COBLL1: variants seen among roughly 807,000 people sequenced by gnomAD.
COBLL1 encodes the protein cordon-bleu WH2 repeat protein like 1.
In COBLL1, 50 loss-of-function variants were observed where a neutral mutation model predicts 94.8. That is an observed-to-expected ratio of 0.53 (90% CI 0.42 to 0.67). The LOEUF (loss-of-function observed/expected upper bound fraction) is 0.67, where lower values mean the gene tolerates loss of function less well. Ranked by LOEUF, COBLL1 falls within the 30% of genes least tolerant of loss-of-function variation. The pLI is 0.00. For missense variants in COBLL1, 1,362 were observed against 1,348.7 expected (o/e 1.01, Z -0.15); for synonymous variants, 448 against 473.8 (o/e 0.95, Z 0.71).
At chr2:164,729,839 C>A in intron 4 of COBLL1, 75 bp downstream of exon 4, 3 of 1,283,042 alleles carry the variant, frequency 2.3e-6, no homozygotes, top group Non-Finnish European at 3.4e-6. Flanking sequence ...CCAGTAAAGT[C>A]CATTTTTATT....
chr2:164,803,569 AT>A (rs1202181562), intron 2 of COBLL1, among the ~76,000 whole-genome samples: 20 of 143,960 alleles, frequency 1.4e-4, no homozygotes, highest in East Asian at 3.9e-4. Context: ...TGTCTCAAAA[AT>A]AAATAAATAA....
chr2:164,695,816 C>T lies in COBLL1; in HGVS notation c.1576G>A (p.Val526Ile). The change falls in exon 12 of 14, where the codon GTC becomes ATC. Residue 526 changes from valine (V) to isoleucine (I), a missense_variant. Transcript: ENST00000652658. ...TTGTCTTCTGTGTTCTCTGGATAGA[C>T]AATTATTTCATTTTGAACTACTGAG... ...QENVVQNEII[V>I]YPENTEDNMK... 2 of 1,575,144 alleles carry T rather than the reference C, an allele frequency of 1.3e-6. No homozygotes were observed. Among genetic ancestry groups the T allele is most frequent in the Non-Finnish European group, 1.7e-6 (2 of 1,165,362 alleles).
intron 2 of COBLL1, among the ~76,000 whole-genome samples, chr2:164,801,555 T>C (rs971621406): frequency 2.0e-5 from 3 of 149,280 alleles, no homozygotes; most frequent in Non-Finnish European, 4.4e-5. Flanking sequence ...GAATCTGAGG[T>C]TACACTAAGC....
rs201072056 is a variant in COBLL1, at chr2:164,767,577, A to G, written c.42-23702T>C. Among the ~76,000 whole-genome samples the G allele has an allele frequency of 1.4e-3, 220 of 152,310 alleles. 1 individual carries two copies. The highest frequency in any genetic ancestry group is 7.7e-4 in the East Asian group (4 of 5,182). ...TTTTCATCCTGTCCTTCTTGCACAC[A>G]TAGCATACAAAGGCTTGCCTTTGAT... On this transcript the variant is annotated intron_variant, in intron 2 of 13. Transcript: ENST00000652658.
chr2:164,700,900 C>T, intron 9 of COBLL1, 144 bp from the exon 10 acceptor site: 2 of 613,224 alleles, frequency 3.3e-6, no homozygotes, highest in Non-Finnish European at 5.7e-6. Context: ...AGTTCTTTCT[C>T]CTGGTGAGCA....
rs1216305679 is a variant in COBLL1 at position 164,683,222 on chromosome 2, A to C, written c.*2724T>G. On this transcript the variant is annotated 3_prime_UTR_variant, in exon 14 of 14. Transcript: ENST00000652658. ...TTATAATTTTAATATTATATAAATA[A>C]ATAACTTGATTGGAGGAAAGAAGGA... The C allele has an allele frequency of 6.6e-6, 1 of 151,906 alleles. No homozygotes were observed. The highest frequency in any genetic ancestry group is 1.5e-5 in the Non-Finnish European group (1 of 67,962). 9.4% of individuals were successfully genotyped at this position (151,906 alleles called of 1,614,324 possible).
rs1683581995 is a variant in COBLL1 at position 164,841,135 on chromosome 2, G to C, written c.41+21C>G. 1 of 1,229,550 alleles carries C rather than the reference G, an allele frequency of 8.1e-7. No individual in the cohort carries two copies. The highest frequency in any genetic ancestry group is 1.0e-6 in the Non-Finnish European group (1 of 986,502). The allele number at this position is 1,229,550 out of a possible 1,614,324, so 76.2% of individuals were successfully genotyped here. On this transcript the variant is annotated intron_variant, in intron 2 of 13. Transcript: ENST00000652658. This position sits in a 1 kb window ranked among gnomAD's most constrained non-coding sequence, Gnocchi z 5.5. ...GGCCTCGCCCTCCCCGGTGAGAGGC[G>C]GCGCGGCGCTCTGGGCTTACCTGGC...
At chr2:164,821,189 G>A (rs1685152710) in intron 2 of COBLL1, among the ~76,000 whole-genome samples, 1 of 151,992 alleles carries the variant, frequency 6.6e-6, no homozygotes, top group African/African-American at 2.4e-5. Context: ...GCCCAGCCAT[G>A]GACAATTTTT....
chr2:164,759,082 C>A (rs1232879272), intron 2 of COBLL1, among the ~76,000 whole-genome samples: 1 of 152,020 alleles, frequency 6.6e-6, no homozygotes, highest in Non-Finnish European at 1.5e-5. Context: ...GCCAAGCAAG[C>A]CCACTGGTAG....
At chr2:164,818,569 A>G (rs1684975403) in intron 2 of COBLL1, among the ~76,000 whole-genome samples, 3 of 148,312 alleles carry the variant, frequency 2.0e-5, no homozygotes, top group Admixed American at 1.4e-4. Context: ...ACACATATAT[A>G]GCATATATGT....
At chr2:164,840,420 C>G (rs1463991444) in intron 2 of COBLL1, among the ~76,000 whole-genome samples, 2 of 152,084 alleles carry the variant, frequency 1.3e-5, no homozygotes, top group Non-Finnish European at 2.9e-5. Flanking sequence ...GCAGAACTAC[C>G]TGTTCTCATT....
chr2:164,678,087 A>G (rs2105391448), downstream of COBLL1, among the ~76,000 whole-genome samples: 1 of 152,286 alleles, frequency 6.6e-6, no homozygotes, highest in Non-Finnish European at 1.5e-5. Flanking sequence ...CCAGTCATAT[A>G]TTATGGAAAT....
At chr2:164,794,151 C>G (rs1574600558) in intron 2 of COBLL1, among the ~76,000 whole-genome samples, 1 of 152,110 alleles carries the variant, frequency 6.6e-6, no homozygotes. Context: ...TTTAAGGTGC[C>G]AATTCCTTTG....
chr2:164,703,961 G>A (rs1433415115), intron 9 of COBLL1, among the ~76,000 whole-genome samples: 1 of 152,146 alleles, frequency 6.6e-6, no homozygotes. Context: ...TCCTAGAGGA[G>A]AGCCATATAC....
intron 7 of COBLL1, among the ~76,000 whole-genome samples, chr2:164,711,458 T>G (rs189854961): frequency 1.1e-4 from 16 of 152,336 alleles, no homozygotes; most frequent in East Asian, 7.7e-4. Context: ...AACTCAACAG[T>G]GCCCAATGTT....
rs34690507 is a variant in COBLL1 at position 164,817,043 on chromosome 2, A to G, written c.41+24113T>C. On this transcript the variant is annotated intron_variant, in intron 2 of 13. Coordinates refer to ENST00000652658, the MANE Select transcript of COBLL1 (RefSeq NM_001365672.2). ...AACCCAGCTATATGAACTGAAGTTA[A>G]GTCAGGACTCCAGTGAGGTATATGC... Among the ~76,000 whole-genome samples the G allele has an allele frequency of 1.4e-3, 206 of 152,336 alleles. 1 individual carries two copies. Among genetic ancestry groups the G allele is most frequent in the Middle Eastern group, 3.4e-3 (1 of 294 alleles).
At chr2:164,728,615 AG>A in intron 4 of COBLL1, among the ~76,000 whole-genome samples, 1 of 152,184 alleles carries the variant, frequency 6.6e-6, no homozygotes, top group South Asian at 2.1e-4. Flanking sequence ...CTCAATAAAA[AG>A]GGGTATTTTG....
At chr2:164,781,422 A>T (rs1338781297) in intron 2 of COBLL1, among the ~76,000 whole-genome samples, 1 of 152,226 alleles carries the variant, frequency 6.6e-6, no homozygotes. Context: ...ATTTTTAGAT[A>T]AAAGAATACT....
intron 2 of COBLL1, among the ~76,000 whole-genome samples, chr2:164,776,605 C>T (rs752096064): frequency 3.9e-5 from 6 of 151,938 alleles, no homozygotes; most frequent in Admixed American, 1.3e-4. Flanking sequence ...GCCCCCTCCC[C>T]GCCCACCGCC....
Sources: allele counts gnomAD v4.1 joint callset (sites outside exome capture counted in the v4.1 genomes callset), GRCh38; gene constraint gnomAD v4.1.1; non-coding constraint Gnocchi (gnomAD v3.1); transcripts MANE v1.5; gene names NCBI Gene and HGNC (gene_info 2026-07-23, HGNC 2026-07-21).